The following USH2A variants were observed in gnomAD, a reference collection of about 807,000 sequenced individuals.
USH2A encodes the protein Usher syndrome 2A (autosomal recessive, mild).
Under a neutral mutation model 538.9 loss-of-function variants are expected in USH2A, and 443 were observed. The ratio of observed to expected loss-of-function variants is 0.82; its 90% CI spans 0.76 to 0.89. The LOEUF (loss-of-function observed/expected upper bound fraction) is 0.89. USH2A is among the 40% of genes least tolerant of loss of function. The pLI is 0.00. For synonymous variants in USH2A, 2,413 were observed against 2,273.5 expected, an observed-to-expected ratio of 1.06 and a Z score of -1.75; for missense variants, 6,633 against 6,324.8, an observed-to-expected ratio of 1.05 and a Z score of -1.65.
chr1:216,237,442 C>T lies in USH2A; in HGVS notation c.2810-5306G>A, dbSNP rs186380611. Among the ~76,000 whole-genome samples the T allele has an allele frequency of 5.9e-3, 873 of 148,514 alleles. 7 individuals are homozygous for T. Among genetic ancestry groups the T allele is most frequent in the South Asian group, 0.023 (109 of 4,738 alleles). On this transcript the variant is annotated intron_variant, in intron 13 of 71. Transcript: ENST00000307340. Reference sequence around the variant, plus strand: ...AGTTCCACTCTTAGCTTGCAGTGAGCTGAGATCGTGCCACTGCACTCCAGC... The same window carrying T: ...AGTTCCACTCTTAGCTTGCAGTGAGTTGAGATCGTGCCACTGCACTCCAGC...
At chr1:215,700,586 T>C (rs991750520) in intron 61 of USH2A, among the ~76,000 whole-genome samples, 1 of 152,224 alleles carries the variant, frequency 6.6e-6, no homozygotes, top group Non-Finnish European at 1.5e-5. Flanking sequence ...TTTTCTAGTT[T>C]ATTTATGTAA....
chr1:215,755,025 C>T (rs1428545953), intron 58 of USH2A, among the ~76,000 whole-genome samples: 2 of 152,210 alleles, frequency 1.3e-5, no homozygotes, highest in Non-Finnish European at 2.9e-5. Flanking sequence ...CACGCCACTA[C>T]ACACCCAGTC....
At chr1:215,767,211 CT>C (rs35467512) in intron 55 of USH2A, among the ~76,000 whole-genome samples, 21,403 of 152,130 alleles carry the variant, frequency 0.14, 1,800 homozygotes, top group Admixed American at 0.19. Flanking sequence ...ACTTTCACCC[CT>C]GGGGACATAT....
At chr1:216,139,301 T>C (rs2033553116) in intron 21 of USH2A, among the ~76,000 whole-genome samples, 1 of 151,842 alleles carries the variant, frequency 6.6e-6, no homozygotes. Flanking sequence ...GTCACCACTT[T>C]GGAACAAAAT....
At chr1:215,867,897 T>A (rs1352180649) in intron 43 of USH2A, among the ~76,000 whole-genome samples, 1 of 152,224 alleles carries the variant, frequency 6.6e-6, no homozygotes, top group African/African-American at 2.4e-5. Flanking sequence ...GCCACCATTT[T>A]TTTTTAACCA....
At chr1:216,269,242 T>C (rs1375962697) in intron 11 of USH2A, among the ~76,000 whole-genome samples, 1 of 152,074 alleles carries the variant, frequency 6.6e-6, no homozygotes, top group Non-Finnish European at 1.5e-5. Context: ...CAGGTCTTTC[T>C]TGTGCTGTTC....
chr1:216,146,687 CA>C (rs1212390436), intron 21 of USH2A, among the ~76,000 whole-genome samples: 1 of 152,024 alleles, frequency 6.6e-6, no homozygotes, highest in Non-Finnish European at 1.5e-5. Context: ...CTCTGTGCCC[CA>C]ATCCCTTATT....
chr1:215,639,280 C>T (rs375482517), intron 68 of USH2A, 42 bp from the exon 69 acceptor site: 224 of 1,590,898 alleles, frequency 1.4e-4, no homozygotes, highest in Non-Finnish European at 1.9e-4. Flanking sequence ...GTTCATTCAA[C>T]ACCTACAAAT....
At chr1:215,874,255 C>A (rs1027179833) in intron 43 of USH2A, among the ~76,000 whole-genome samples, 7 of 152,084 alleles carry the variant, frequency 4.6e-5, no homozygotes, top group Admixed American at 6.6e-5. Context: ...GCTCACTTTG[C>A]AAGGAATTAT....
At chr1:215,673,808 G>C (rs1159123931) in intron 63 of USH2A, among the ~76,000 whole-genome samples, 1 of 152,116 alleles carries the variant, frequency 6.6e-6, no homozygotes, top group African/African-American at 2.4e-5. Flanking sequence ...ATTTCCAGGG[G>C]GACTAGCCTC....
Position 215,893,487 on chromosome 1 carries a change from T to C in USH2A, c.7595-4433A>G, listed in dbSNP as rs73090781. Among the ~76,000 whole-genome samples the C allele has an allele frequency of 7.5e-3, 1,143 of 152,272 alleles. 14 individuals are homozygous for C. Among genetic ancestry groups the C allele is most frequent in the African/African-American group, 0.026 (1,078 of 41,564 alleles). Reference sequence around the variant, plus strand: ...AAAGCTAAAGAACAAGAATAGTTTTTAAAAATAGTGGAAGGCCAGCAGATA... The same window carrying C: ...AAAGCTAAAGAACAAGAATAGTTTTCAAAAATAGTGGAAGGCCAGCAGATA... On this transcript the variant is annotated intron_variant, in intron 40 of 71. Transcript: ENST00000307340.
chr1:216,122,482 G>A (rs563084231), intron 21 of USH2A, among the ~76,000 whole-genome samples: 1 of 152,260 alleles, frequency 6.6e-6, no homozygotes, highest in African/African-American at 2.4e-5. Flanking sequence ...ATGAGTGCAG[G>A]GGATCAACTT....
chr1:215,918,477 C>G (rs767467536), intron 38 of USH2A, among the ~76,000 whole-genome samples: 13 of 152,154 alleles, frequency 8.5e-5, no homozygotes, highest in East Asian at 3.9e-4. Context: ...TGAAGAAGAG[C>G]CTTCACTAGA....
At position 216,109,043 on chromosome 1, in the gene USH2A, T is replaced by A. The variant is rs540765888; in HGVS notation, c.4628-11830A>T. 1.3e-4 allele frequency among the ~76,000 whole-genome samples: 20 copies of A among 152,282 alleles called. No homozygotes were observed. The South Asian group carries it at 3.3e-3, about 25-fold the overall frequency. ...CTTCAACCATTGGTGATGCCACCTT[T>A]TGGATCTTATCCTCATTTGAGCTAG... On this transcript the variant is annotated intron_variant, in intron 21 of 71. Transcript: ENST00000307340.
Position 216,285,277 on chromosome 1 carries a change from C to G in USH2A, c.1971+4003G>C, listed in dbSNP as rs567600760. Among the ~76,000 whole-genome samples the G allele has an allele frequency of 1.6e-4, 24 of 152,268 alleles. No homozygotes were observed. In the South Asian group the frequency reaches 3.9e-3, roughly 25 times the overall value. ...GCAGTCTAGGGACTTGGTGCCGTGTCCCAACTGCTCCAGCTATGGCTAAAA... is the reference window on the plus strand; with the variant it reads ...GCAGTCTAGGGACTTGGTGCCGTGTGCCAACTGCTCCAGCTATGGCTAAAA... On this transcript the variant is annotated intron_variant, in intron 11 of 71. Transcript: ENST00000307340.
At chr1:216,156,865 C>A (rs2033955253) in intron 21 of USH2A, among the ~76,000 whole-genome samples, 1 of 151,686 alleles carries the variant, frequency 6.6e-6, no homozygotes, top group South Asian at 2.1e-4. Context: ...AACATGAACA[C>A]ATACTTCTAT....
chr1:215,803,005 C>A (rs143134582), intron 49 of USH2A, among the ~76,000 whole-genome samples: 3 of 152,120 alleles, frequency 2.0e-5, no homozygotes, highest in African/African-American at 7.2e-5. Flanking sequence ...CATAATCCAG[C>A]ATATAAACAG....
At chr1:215,778,887 C>G (rs1200129346) in intron 55 of USH2A, among the ~76,000 whole-genome samples, 1 of 152,170 alleles carries the variant, frequency 6.6e-6, no homozygotes, top group East Asian at 1.9e-4. Flanking sequence ...CACTGTACAT[C>G]TTAGGTTGGT....
chr1:216,083,365 C>A, intron 26 of USH2A, 91 bp downstream of exon 26: 6 of 1,380,280 alleles, frequency 4.3e-6, no homozygotes, highest in East Asian at 2.4e-5. Flanking sequence ...GTAAAGAAAC[C>A]CCAATTAAGT....
Sources: gnomAD v4.1 joint callset for allele counts (sites outside exome capture counted in the v4.1 genomes callset) on GRCh38, gnomAD v4.1.1 for gene constraint, MANE v1.5 for transcripts, NCBI Gene and HGNC (gene_info 2026-07-23, HGNC 2026-07-21) for gene names.